ELN: variants seen among roughly 807,000 people sequenced by gnomAD.
ELN encodes the protein elastin.
A neutral mutation model predicts 105.8 loss-of-function variants in ELN; 65 were observed. The ratio of observed to expected loss-of-function variants is 0.61; its 90% CI spans 0.50 to 0.75. The LOEUF is 0.75. ELN is among the 30% of genes least tolerant of loss of function. The pLI is 0.00. For synonymous variants in ELN, 368 were observed against 389.2 expected, an observed-to-expected ratio of 0.95 and a Z score of 0.64; for missense variants, 882 against 969.4, an observed-to-expected ratio of 0.91 and a Z score of 1.20.
In ELN at chr7:74,063,270, C is replaced by G; in HGVS notation, c.1859-40C>G. On this transcript the variant is annotated intron_variant, in intron 27 of 32. Transcript: ENST00000252034. This position sits in a 1 kb window ranked among gnomAD's most constrained non-coding sequence, Gnocchi z 4.1. ...GGGCAGGGTGGGGAGGGAATCTAAC[C>G]AGTACAGAGTGCCTCCCTGAACTCG... 6.3e-7 allele frequency: 1 copy of G among 1,583,334 alleles called. No homozygotes were observed. The highest frequency in any genetic ancestry group is 1.2e-5 in the South Asian group (1 of 86,452).
At chr7:74,054,961 A>G (rs1554678669) in intron 19 of ELN, among the ~76,000 whole-genome samples, 192 bp downstream of exon 19, 2 of 152,320 alleles carry the variant, frequency 1.3e-5, no homozygotes, top group South Asian at 4.1e-4. Context: ...GAGTGGCGGG[A>G]AAGTCCCAGG....
At chr7:74,047,778 GGGT>G in intron 13 of ELN, 62 bp downstream of exon 13, 1 of 1,611,572 alleles carries the variant, frequency 6.2e-7, no homozygotes, top group Non-Finnish European at 8.5e-7. Context: ...GTCCTAGCAA[GGGT>G]GCTGTGCTTC....
intron 1 of ELN, among the ~76,000 whole-genome samples, chr7:74,029,136 G>A (rs782472253): frequency 2.0e-5 from 3 of 152,102 alleles, no homozygotes; most frequent in Non-Finnish European, 2.9e-5. Flanking sequence ...GTAGACATGG[G>A]CGATCTGGCA....
chr7:74,046,515 A>G (rs938605688), intron 11 of ELN, 181 bp from the exon 12 acceptor site: 19 of 744,858 alleles, frequency 2.6e-5, no homozygotes, highest in Non-Finnish European at 3.8e-5. Flanking sequence ...TTCCTGGAGG[A>G]AGTGGCCTGT....
At position 74,060,523 on chromosome 7, in the gene ELN, G is replaced by A. The variant is rs782185462; in HGVS notation, c.1747+22G>A. 32 of 1,614,060 alleles carry A rather than the reference G, an allele frequency of 2.0e-5. No homozygotes were observed. Among genetic ancestry groups the A allele is most frequent in the Non-Finnish European group, 2.3e-5 (27 of 1,180,032 alleles). On this transcript the variant is annotated intron_variant, in intron 25 of 32. Coordinates refer to ENST00000252034, the MANE Select transcript of ELN (RefSeq NM_000501.4). ...GCAGGTGCAGATGAGGGAGTTAGGC[G>A]GAGCCTGTCCCCTGAGCTCAGGGAA...
At chr7:74,039,838 C>T (rs150809218) in intron 4 of ELN, among the ~76,000 whole-genome samples, 9 of 152,336 alleles carry the variant, frequency 5.9e-5, no homozygotes, top group Non-Finnish European at 1.2e-4. Context: ...TAAGCCTCAT[C>T]GGAGAGGCAA....
At chr7:74,041,300 G>T in intron 5 of ELN, 49 bp downstream of exon 5, 1 of 1,612,250 alleles carries the variant, frequency 6.2e-7, no homozygotes, top group Non-Finnish European at 8.5e-7. Flanking sequence ...ACCAGCCCCT[G>T]AGCTCAACCC....
intron 3 of ELN, 145 bp downstream of exon 3, chr7:74,036,729 G>A (rs1790041936): frequency 8.3e-7 from 1 of 1,202,834 alleles, no homozygotes; most frequent in African/African-American, 1.5e-5. Flanking sequence ...GGTGGGAGGA[G>A]GCTTCTTTGA....
At chr7:74,037,960 T>C in intron 4 of ELN, 1 of 611,316 alleles carries the variant, frequency 1.6e-6, no homozygotes, top group Non-Finnish European at 2.9e-6. Context: ...CAGCTCCATG[T>C]CCTCCCTGTG....
Position 74,063,047 on chromosome 7 carries a change from A to G in ELN, c.1787-106A>G. The G allele has an allele frequency of 7.2e-7, 1 of 1,386,804 alleles. No individual in the cohort carries two copies. The highest frequency in any genetic ancestry group is 2.5e-5 in the East Asian group (1 of 39,948). 85.9% of individuals were successfully genotyped at this position (1,386,804 alleles called of 1,614,324 possible). A position where few individuals can be genotyped will look rare whatever the true frequency, so the allele number is the denominator to read the frequency against. ...TGGACTTCCTGTCCACTGCTCCTCC[A>G]CAGTGTCACATGGCCCCTGCCACCT... On this transcript the variant is annotated intron_variant, in intron 26 of 32. Transcript: ENST00000252034. This position sits in a 1 kb window ranked among gnomAD's most constrained non-coding sequence, Gnocchi z 4.1.
intron 22 of ELN, 81 bp from the exon 23 acceptor site, chr7:74,059,805 G>T (rs1796195257): frequency 2.4e-6 from 2 of 822,790 alleles, no homozygotes; most frequent in African/African-American, 1.7e-5. Context: ...TGCCAGGGCC[G>T]AGGCTCCAGC....
rs781929292 is a variant in ELN, at chr7:74,060,437, A to G, written c.1683A>G (p.Gly561=). Residue 561 remains glycine, a synonymous_variant, in exon 25 of 33, where the codon GGA becomes GGG. Coordinates refer to ENST00000252034, the MANE Select transcript of ELN (RefSeq NM_000501.4). The part of the protein sequence containing the change: ...PGLGVGVGVP[G]LGVGAGVPGL... ...TTGGAGTTGGTGTCGGCGTCCCTGG[A>G]CTTGGAGTTGGTGCTGGTGTTCCTG... 6.2e-7 allele frequency: 1 copy of G among 1,613,584 alleles called. No individual in the cohort carries two copies. Among genetic ancestry groups the G allele is most frequent in the South Asian group, 1.1e-5 (1 of 91,054 alleles).
chr7:74,065,268 G>T (rs1286433639), intron 29 of ELN, among the ~76,000 whole-genome samples: 1 of 151,882 alleles, frequency 6.6e-6, no homozygotes, highest in Non-Finnish European at 1.5e-5. Context: ...GAGATGGGGG[G>T]ATAGACTGGG....
intron 21 of ELN, 85 bp from the exon 22 acceptor site, chr7:74,057,555 A>C (rs1046388179): frequency 1.2e-6 from 2 of 1,604,804 alleles, no homozygotes; most frequent in African/African-American, 2.7e-5. Flanking sequence ...GCACCATTTT[A>C]CAAATGGGAA....
At position 74,069,262 on chromosome 7, in the gene ELN, A is replaced by C. The variant is rs539096901; in HGVS notation, c.*562A>C. 2.6e-4 allele frequency: 62 copies of C among 238,920 alleles called. No individual in the cohort carries two copies. The highest frequency in any genetic ancestry group is 2.5e-3 in the Middle Eastern group (2 of 798). 14.8% of individuals were successfully genotyped at this position (238,920 alleles called of 1,614,324 possible). A position where few individuals can be genotyped will look rare whatever the true frequency, so the allele number is the denominator to read the frequency against. On this transcript the variant is annotated 3_prime_UTR_variant, in exon 33 of 33. Coordinates refer to ENST00000252034, the MANE Select transcript of ELN (RefSeq NM_000501.4). The stretch of plus-strand genomic sequence containing the variant: ...TCCTCCCCACCGATCGCTGTTCCCC[A>C]CATCTGGGGCGCTTTTGGGTTGGAA...
At chr7:74,056,556 G>C (rs1202372657) in intron 20 of ELN, 116 bp from the exon 21 acceptor site, 1 of 1,600,670 alleles carries the variant, frequency 6.2e-7, no homozygotes, top group Non-Finnish European at 8.5e-7. Context: ...GGAGGAGTTG[G>C]GGGAGAAGAA....
intron 10 of ELN, chr7:74,045,778 G>T (rs1792329979): frequency 6.5e-6 from 2 of 309,938 alleles, no homozygotes; most frequent in Non-Finnish European, 1.2e-5. Context: ...GCCAGATGCA[G>T]TGGCTCATGC....
At chr7:74,043,294 G>A in intron 8 of ELN, 126 bp downstream of exon 8, 1 of 1,391,272 alleles carries the variant, frequency 7.2e-7, no homozygotes, top group Non-Finnish European at 9.9e-7. Context: ...CAGTCGGGCA[G>A]AGAAACTAGC....
chr7:74,065,836 C>A (rs1797815455), intron 30 of ELN, 104 bp downstream of exon 30: 2 of 1,610,164 alleles, frequency 1.2e-6, no homozygotes, highest in African/African-American at 2.7e-5. Flanking sequence ...GCTCCCCCTA[C>A]CCCTGAAGAT....
Sources: gnomAD v4.1 joint callset for allele counts (sites outside exome capture counted in the v4.1 genomes callset) on GRCh38, gnomAD v4.1.1 for gene constraint, Gnocchi (gnomAD v3.1) non-coding constraint, MANE v1.5 for transcripts, NCBI Gene and HGNC (gene_info 2026-07-23, HGNC 2026-07-21) for gene names.